The following PTPRQ variants were observed in gnomAD, a reference collection of about 807,000 sequenced individuals.
The protein encoded by PTPRQ is protein tyrosine phosphatase receptor type Q, also known as phosphatidylinositol phosphatase PTPRQ.
A neutral mutation model predicts 246.0 loss-of-function variants in PTPRQ; 199 were observed. The observed-to-expected ratio is 0.81, with a 90% CI of 0.72 to 0.91. The LOEUF (loss-of-function observed/expected upper bound fraction) is 0.91, where lower values mean the gene tolerates loss of function less well. PTPRQ is among the 40% of genes least tolerant of loss of function. The probability of loss-of-function intolerance (pLI) is 0.00; values close to 1 mark genes in which losing one functional copy is unlikely to be tolerated. For synonymous variants in PTPRQ, 869 were observed against 853.2 expected, an observed-to-expected ratio of 1.02 and a Z score of -0.32; for missense variants, 2,624 against 2,528.4, an observed-to-expected ratio of 1.04 and a Z score of -0.81.
Position 80,669,111 on chromosome 12 carries a change from A to C in PTPRQ, c.6297A>C (p.Val2099=). 6.5e-7 allele frequency: 1 copy of C among 1,550,348 alleles called. No individual in the cohort carries two copies. Among genetic ancestry groups the C allele is most frequent in the Non-Finnish European group, 8.7e-7 (1 of 1,146,026 alleles). ...GGGAAACCAGAGCAAAAACATTAGT[A>C]ATGCTAACACAGTGTTTTGAAAAAG... ...MVWETRAKTL[V]MLTQCFEKGR... Residue 2099 remains valine, a synonymous_variant, in exon 40 of 45, where the codon GTA becomes GTC. Coordinates refer to ENST00000644991, the MANE Select transcript of PTPRQ (RefSeq NM_001145026.2).
chr12:80,599,854 T>C (rs1039554698), intron 26 of PTPRQ, among the ~76,000 whole-genome samples: 2 of 150,630 alleles, frequency 1.3e-5, no homozygotes, highest in African/African-American at 4.9e-5. Flanking sequence ...TATTGTTATA[T>C]ATTATATATT....
intron 14 of PTPRQ, among the ~76,000 whole-genome samples, chr12:80,505,170 C>G (rs1894916907): frequency 6.6e-6 from 1 of 151,826 alleles, no homozygotes; most frequent in Non-Finnish European, 1.5e-5. Flanking sequence ...TGCAAAGGCA[C>G]CAGGATTAAC....
At chr12:80,662,354 A>G (rs955881059) in intron 39 of PTPRQ, among the ~76,000 whole-genome samples, 2 of 152,000 alleles carry the variant, frequency 1.3e-5, no homozygotes, top group Non-Finnish European at 2.9e-5. Flanking sequence ...ATGTAGTTCC[A>G]CAATACCTGA....
At chr12:80,623,370 T>G (rs1222562127) in intron 33 of PTPRQ, among the ~76,000 whole-genome samples, 1 of 152,190 alleles carries the variant, frequency 6.6e-6, no homozygotes, top group Admixed American at 6.6e-5. Flanking sequence ...AATGTTTGTT[T>G]AATTTTATAC....
intron 25 of PTPRQ, among the ~76,000 whole-genome samples, chr12:80,554,077 C>CG (rs1473055340): frequency 1.9e-4 from 26 of 133,598 alleles, no homozygotes; most frequent in African/African-American, 7.6e-4. Context: ...GTAGGAGGGG[C>CG]AGGGGGGGTA....
intron 17 of PTPRQ, among the ~76,000 whole-genome samples, chr12:80,524,280 C>T (rs1895611356): frequency 6.6e-6 from 1 of 152,036 alleles, no homozygotes; most frequent in Non-Finnish European, 1.5e-5. Flanking sequence ...TATGGGTTTC[C>T]TGAATACAGA....
In PTPRQ at chr12:80,496,523, C is replaced by A. The variant is rs868778441; in HGVS notation, c.2264C>A (p.Ser755Ter). ...QVSSLLSVRT[S>*]ETVPDSAPEN... is the part of the protein sequence containing the mutation. ...TCTTCTTTACTCTCTGTAAGGACTTCGGAGACTGGTGAGCTTTTGTTTTCT... is the reference window on the plus strand; with the variant it reads ...TCTTCTTTACTCTCTGTAAGGACTTAGGAGACTGGTGAGCTTTTGTTTTCT... Residue 755 changes from serine to a stop codon, truncating the protein, a stop_gained, in exon 14 of 45, where the codon TCG (serine) becomes TAG (stop). Coordinates refer to ENST00000644991, the MANE Select transcript of PTPRQ (RefSeq NM_001145026.2). LOFTEE classifies it high-confidence loss of function. The A allele has an allele frequency of 2.6e-6, 4 of 1,517,470 alleles. No homozygotes were observed. Among genetic ancestry groups the A allele is most frequent in the African/African-American group, 1.5e-5 (1 of 65,530 alleles). 94.0% of individuals were successfully genotyped at this position (1,517,470 alleles called of 1,614,324 possible). A position where few individuals can be genotyped will look rare whatever the true frequency, so the allele number is the denominator to read the frequency against.
chr12:80,534,038 T>C lies in PTPRQ; in HGVS notation c.2702T>C (p.Ile901Thr), dbSNP rs1210219098. ...AGGAATAGATCATCATTAAAAACTA[T>C]TAATGTCACTGAAACATCATTGGAG... ...YVWNRSSLKT[I>T]NVTETSLELS... The change falls in exon 18 of 45, where the codon ATT (isoleucine) becomes ACT (threonine). Residue 901 changes from isoleucine to threonine, a missense_variant. Coordinates refer to ENST00000644991, the MANE Select transcript of PTPRQ (RefSeq NM_001145026.2). 4.7e-5 allele frequency: 72 copies of C among 1,520,600 alleles called. No homozygotes were observed. Among genetic ancestry groups the C allele is most frequent in the Non-Finnish European group, 6.1e-5 (69 of 1,135,232 alleles). 94.2% of individuals were successfully genotyped at this position (1,520,600 alleles called of 1,614,324 possible).
intron 25 of PTPRQ, among the ~76,000 whole-genome samples, chr12:80,570,905 C>T (rs1031851254): frequency 6.6e-6 from 1 of 151,994 alleles, no homozygotes; most frequent in Admixed American, 6.6e-5. Flanking sequence ...AGATGTGTGG[C>T]TTTATTTCTG....
At chr12:80,648,683 C>T (rs959883782) in intron 35 of PTPRQ, among the ~76,000 whole-genome samples, 2 of 151,478 alleles carry the variant, frequency 1.3e-5, no homozygotes, top group South Asian at 2.1e-4. Context: ...CTTTTCAGCT[C>T]GAGAAAGAAT....
At chr12:80,526,813 G>GT (rs557270630) in intron 17 of PTPRQ, among the ~76,000 whole-genome samples, 20 of 151,980 alleles carry the variant, frequency 1.3e-4, no homozygotes, top group Non-Finnish European at 2.5e-4. Context: ...ATGAGCTTTT[G>GT]TTTTTTTAAA....
In PTPRQ at chr12:80,657,148, G is replaced by A. The variant is rs1900470508; in HGVS notation, c.6116-837G>A. ...TTAATATGACAAAAGGCGATATGTAGCCTTCTGTTTTTAACATACTTTTTT... is the reference window on the plus strand; with the variant it reads ...TTAATATGACAAAAGGCGATATGTAACCTTCTGTTTTTAACATACTTTTTT... On this transcript the variant is annotated intron_variant, in intron 38 of 44. Transcript: ENST00000644991. 2.6e-5 allele frequency among the ~76,000 whole-genome samples: 4 copies of A among 151,780 alleles called. No homozygotes were observed. In the South Asian group the frequency reaches 6.2e-4, roughly 24 times the overall value.
intron 30 of PTPRQ, 77 bp from the exon 31 acceptor site, chr12:80,619,307 A>G: frequency 1.4e-6 from 2 of 1,467,110 alleles, no homozygotes; most frequent in Middle Eastern, 1.8e-4. Context: ...AATTAACTGC[A>G]TGAAAGGAGA....
intron 38 of PTPRQ, among the ~76,000 whole-genome samples, chr12:80,655,973 C>T (rs910300566): frequency 6.6e-6 from 1 of 152,124 alleles, no homozygotes; most frequent in African/African-American, 2.4e-5. Flanking sequence ...GTTTGACAGA[C>T]GACCTATGAC....
chr12:80,448,705 C>T (rs920874810), intron 3 of PTPRQ, among the ~76,000 whole-genome samples: 2 of 149,610 alleles, frequency 1.3e-5, no homozygotes, highest in African/African-American at 5.0e-5. Context: ...GGCATGAACT[C>T]ATCATTTTTT....
intron 25 of PTPRQ, among the ~76,000 whole-genome samples, chr12:80,559,128 T>C (rs1242460937): frequency 6.6e-6 from 1 of 152,210 alleles, no homozygotes; most frequent in African/African-American, 2.4e-5. Flanking sequence ...CACCGGAACC[T>C]CCGCCTCCCG....
chr12:80,610,012 T>G (rs1197026181), intron 27 of PTPRQ, among the ~76,000 whole-genome samples: 5 of 150,442 alleles, frequency 3.3e-5, no homozygotes, highest in Non-Finnish European at 7.5e-5. Flanking sequence ...AGCCCAATTT[T>G]ACATGCATTG....
In PTPRQ at chr12:80,676,503, G is replaced by A. The variant is rs1317301089; in HGVS notation, c.6739-2099G>A. Among the ~76,000 whole-genome samples, 13 of 152,276 alleles carry A rather than the reference G, an allele frequency of 8.5e-5. No homozygotes were observed. The East Asian group carries it at 1.2e-3, about 14-fold the overall frequency. ...ACTAAAAATACAAAATCAGCCAGGC[G>A]TGGTGGCGCGTGCCTGTAATCCCAG... On this transcript the variant is annotated intron_variant, in intron 43 of 44. Coordinates refer to ENST00000644991, the MANE Select transcript of PTPRQ (RefSeq NM_001145026.2).
chr12:80,622,786 G>C, intron 33 of PTPRQ, among the ~76,000 whole-genome samples: 1 of 151,970 alleles, frequency 6.6e-6, no homozygotes, highest in East Asian at 1.9e-4. Flanking sequence ...CCTTTGTTGG[G>C]AAAATATTGA....
Sources: allele counts gnomAD v4.1 joint callset (sites outside exome capture counted in the v4.1 genomes callset), GRCh38; gene constraint gnomAD v4.1.1; transcripts MANE v1.5; gene names NCBI Gene and HGNC (gene_info 2026-07-23, HGNC 2026-07-21).